The following TBC1D22A variants were observed in gnomAD, a reference collection of about 807,000 sequenced individuals.
TBC1D22A encodes TBC1 domain family member 22A.
In TBC1D22A, 38 loss-of-function variants were observed where a neutral mutation model predicts 60.2. That is an observed-to-expected ratio of 0.63 (90% CI 0.49 to 0.83). The LOEUF is 0.83. Ranked by LOEUF, TBC1D22A falls within the 40% of genes least tolerant of loss-of-function variation. TBC1D22A has a pLI of 0.00. For missense variants in TBC1D22A, 628 were observed against 701.0 expected, an observed-to-expected ratio of 0.90 and a Z score of 1.18; for synonymous variants, 302 against 281.7, an observed-to-expected ratio of 1.07 and a Z score of -0.72.
At chr22:47,157,007 C>T (rs990934158) in intron 12 of TBC1D22A, among the ~76,000 whole-genome samples, 1 of 152,186 alleles carries the variant, frequency 6.6e-6, no homozygotes, top group African/African-American at 2.4e-5. Flanking sequence ...TCCAGAGGGA[C>T]AGATGTCAGC....
intron 11 of TBC1D22A, among the ~76,000 whole-genome samples, chr22:47,081,146 C>T (rs1435226424): frequency 1.4e-5 from 2 of 143,582 alleles, no homozygotes; most frequent in African/African-American, 5.1e-5. Flanking sequence ...AAAAAAATGA[C>T]AGTACACACT....
intron 10 of TBC1D22A, among the ~76,000 whole-genome samples, chr22:47,035,831 G>A (rs542599863): frequency 1.0e-3 from 154 of 152,346 alleles, no homozygotes; most frequent in African/African-American, 3.6e-3. Flanking sequence ...GCACCCGCAT[G>A]TCTTAGTAGA....
chr22:46,969,141 C>T (rs1187865940), intron 8 of TBC1D22A, among the ~76,000 whole-genome samples: 1 of 152,150 alleles, frequency 6.6e-6, no homozygotes, highest in African/African-American at 2.4e-5. Flanking sequence ...CCCGTGGGAT[C>T]TTCTGCTCTA....
At chr22:46,945,332 T>C (rs554219771) in intron 8 of TBC1D22A, among the ~76,000 whole-genome samples, 20 of 152,238 alleles carry the variant, frequency 1.3e-4, no homozygotes, top group Non-Finnish European at 2.4e-4. Flanking sequence ...TGATGAAAAT[T>C]AGAAGGCCTG....
chr22:47,120,709 G>T (rs2066241800), intron 12 of TBC1D22A, among the ~76,000 whole-genome samples: 1 of 152,234 alleles, frequency 6.6e-6, no homozygotes, highest in Non-Finnish European at 1.5e-5. Context: ...GTTCATGCTT[G>T]CCTGAGGCTT....
chr22:47,076,355 G>GTGTGTGTGTATATATATATATATATA (rs1462693147), intron 11 of TBC1D22A, among the ~76,000 whole-genome samples: 29 of 71,194 alleles, frequency 4.1e-4, no homozygotes, highest in Middle Eastern at 7.1e-3. Context: ...ATATATATAT[G>GTGTGTGTGTATATATATATATATATA]TGTGTGTATA....
chr22:46,999,807 C>T (rs1254736787), intron 10 of TBC1D22A, among the ~76,000 whole-genome samples: 2 of 152,148 alleles, frequency 1.3e-5, no homozygotes, highest in Admixed American at 6.5e-5. Context: ...AGGCGGATCA[C>T]GAGGTCAGGA....
intron 4 of TBC1D22A, among the ~76,000 whole-genome samples, chr22:46,812,781 T>C (rs2085437753): frequency 6.6e-6 from 1 of 152,268 alleles, no homozygotes; most frequent in South Asian, 2.1e-4. Flanking sequence ...TAGGGACTGC[T>C]ATTCAGTTGA....
intron 10 of TBC1D22A, among the ~76,000 whole-genome samples, chr22:47,023,420 A>T (rs545759248): frequency 1.3e-5 from 2 of 152,390 alleles, no homozygotes; most frequent in East Asian, 3.9e-4. Context: ...GAGGAAACAG[A>T]AAAAATATTG....
intron 11 of TBC1D22A, among the ~76,000 whole-genome samples, chr22:47,042,231 G>C (rs2062869184): frequency 6.6e-6 from 1 of 152,234 alleles, no homozygotes. Flanking sequence ...GTGCGAATGG[G>C]GTTCCAGTCT....
chr22:46,792,695 T>C (rs1303494922), intron 2 of TBC1D22A, 119 bp downstream of exon 2: 2 of 1,600,032 alleles, frequency 1.2e-6, no homozygotes. Flanking sequence ...GACTGGTTTC[T>C]CATTCAGCCA....
chr22:47,156,464 G>A (rs749476266), intron 12 of TBC1D22A, among the ~76,000 whole-genome samples: 3 of 152,286 alleles, frequency 2.0e-5, no homozygotes, highest in Admixed American at 1.3e-4. Context: ...CTTCTTGAGC[G>A]GCCGTCTCCT....
At chr22:47,153,609 T>C (rs1259614416) in intron 12 of TBC1D22A, among the ~76,000 whole-genome samples, 1 of 151,920 alleles carries the variant, frequency 6.6e-6, no homozygotes, top group Admixed American at 6.6e-5. Context: ...GTGGCCGTCG[T>C]GCAAGCGAAA....
chr22:47,116,406 G>A (rs955190338), intron 12 of TBC1D22A: 8 of 152,262 alleles, frequency 5.3e-5, no homozygotes, highest in African/African-American at 1.7e-4. Flanking sequence ...AGGAGGCCTC[G>A]GCAGCTGAGA....
chr22:46,867,729 A>G (rs969826266), intron 4 of TBC1D22A, among the ~76,000 whole-genome samples: 1 of 152,278 alleles, frequency 6.6e-6, no homozygotes, highest in South Asian at 2.1e-4. Context: ...AATGTGCGAC[A>G]GGCTTACTGA....
chr22:47,007,082 C>G (rs116798499), intron 10 of TBC1D22A, among the ~76,000 whole-genome samples: 2,092 of 152,210 alleles, frequency 0.014, 48 homozygotes, highest in African/African-American at 0.047. Flanking sequence ...TGCAGGTGGC[C>G]CCTTCTTCAG....
In TBC1D22A at chr22:47,139,564, C is replaced by G. The variant is rs563401505; in HGVS notation, c.1425+27961C>G. The stretch of plus-strand genomic sequence containing the variant: ...CCAGGGGGCTTTGGGTCGGCTCCCC[C>G]TCCTGTGTTCTCATGAGAGGCTGCT... On this transcript the variant is annotated intron_variant, in intron 12 of 12. Coordinates refer to ENST00000337137, the MANE Select transcript of TBC1D22A (RefSeq NM_014346.5). Among the ~76,000 whole-genome samples the G allele has an allele frequency of 1.1e-3, 160 of 152,366 alleles. 1 individual carries two copies. Among genetic ancestry groups the G allele is most frequent in the African/African-American group, 3.5e-3 (146 of 41,590 alleles).
chr22:46,884,473 G>A (rs1023920655), intron 5 of TBC1D22A, among the ~76,000 whole-genome samples: 1 of 152,208 alleles, frequency 6.6e-6, no homozygotes, highest in Non-Finnish European at 1.5e-5. Context: ...CAGTGCCGTG[G>A]GCTCCTCCCA....
At chr22:46,772,632 A>C in intron 1 of TBC1D22A, among the ~76,000 whole-genome samples, 1 of 140,924 alleles carries the variant, frequency 7.1e-6, no homozygotes, top group Non-Finnish European at 1.5e-5. Context: ...ACACAAACAC[A>C]CATGCACCGC....
Sources: allele counts gnomAD v4.1 joint callset (sites outside exome capture counted in the v4.1 genomes callset), GRCh38; gene constraint gnomAD v4.1.1; transcripts MANE v1.5; gene names NCBI Gene and HGNC (gene_info 2026-07-23, HGNC 2026-07-21).